PTPN4: variants seen among roughly 807,000 people sequenced by gnomAD.
PTPN4 encodes the protein protein tyrosine phosphatase non-receptor type 4, also known as tyrosine-protein phosphatase non-receptor type 4.
In PTPN4, 49 loss-of-function variants were observed where a neutral mutation model predicts 135.5. The ratio of observed to expected loss-of-function variants is 0.36; its 90% CI spans 0.29 to 0.46. The LOEUF (loss-of-function observed/expected upper bound fraction) is 0.46. Ranked by LOEUF, PTPN4 falls within the 20% of genes least tolerant of loss-of-function variation. The pLI is 1.00. For missense variants in PTPN4, 860 were observed against 1,101.0 expected, an observed-to-expected ratio of 0.78 and a Z score of 3.10; for synonymous variants, 333 against 369.9, an observed-to-expected ratio of 0.90 and a Z score of 1.14.
At chr2:119,827,406 C>T (rs769921292) in intron 2 of PTPN4, among the ~76,000 whole-genome samples, 4 of 152,196 alleles carry the variant, frequency 2.6e-5, no homozygotes, top group African/African-American at 4.8e-5. Flanking sequence ...ATCAGCATTA[C>T]ATGAGAGTCT....
chr2:119,933,499 T>C (rs954594627), intron 14 of PTPN4, among the ~76,000 whole-genome samples: 3 of 151,864 alleles, frequency 2.0e-5, no homozygotes, highest in Non-Finnish European at 4.4e-5. Context: ...GTGAACATAG[T>C]GAAACCCCAT....
At chr2:119,938,103 CT>C (rs1358576840) in intron 15 of PTPN4, among the ~76,000 whole-genome samples, 2 of 146,068 alleles carry the variant, frequency 1.4e-5, no homozygotes, top group Admixed American at 6.9e-5. Flanking sequence ...ACGAATAGTA[CT>C]TTTTTTTAAA....
intron 2 of PTPN4, among the ~76,000 whole-genome samples, chr2:119,862,328 C>T (rs1160208751): frequency 6.6e-6 from 1 of 152,148 alleles, no homozygotes; most frequent in Non-Finnish European, 1.5e-5. Flanking sequence ...ATGCCTAGTG[C>T]TCCATTATTG....
chr2:119,955,083 A>G, intron 19 of PTPN4, 74 bp from the exon 20 acceptor site: 1 of 1,292,556 alleles, frequency 7.7e-7, no homozygotes, highest in Non-Finnish European at 1.1e-6. Flanking sequence ...TATACAGTGT[A>G]TCTGGTAAAT....
rs1036971884 is a variant in PTPN4 at position 119,980,207 on chromosome 2, C to G, written c.*3137C>G. On this transcript the variant is annotated 3_prime_UTR_variant, in exon 27 of 27. Coordinates refer to ENST00000263708, the MANE Select transcript of PTPN4 (RefSeq NM_002830.4). ...GCAAAGGTATGTTAAGACATTAAGA[C>G]AATTGCTGGAAGGTTTCAAATATGT... 3.3e-5 allele frequency: 5 copies of G among 152,042 alleles called. No homozygotes were observed. Among genetic ancestry groups the G allele is most frequent in the African/African-American group, 4.8e-5 (2 of 41,428 alleles). The allele number at this position is 152,042 out of a possible 1,614,324, so 9.4% of individuals were successfully genotyped here. A position where few individuals can be genotyped will look rare whatever the true frequency, so the allele number is the denominator to read the frequency against.
chr2:119,939,887 G>A (rs915983031), intron 15 of PTPN4, among the ~76,000 whole-genome samples: 6 of 152,134 alleles, frequency 3.9e-5, no homozygotes, highest in South Asian at 2.1e-4. Flanking sequence ...TAAAAAAATC[G>A]AAGGTTTGAA....
chr2:119,918,777 A>T (rs545559454), intron 11 of PTPN4, among the ~76,000 whole-genome samples: 1 of 152,270 alleles, frequency 6.6e-6, no homozygotes, highest in Non-Finnish European at 1.5e-5. Context: ...ACCAGAGAAC[A>T]TACAGGAATA....
At chr2:119,882,289 C>A in intron 7 of PTPN4, 140 bp downstream of exon 7, 1 of 1,049,802 alleles carries the variant, frequency 9.5e-7, no homozygotes. Context: ...ATGAAATCTC[C>A]AGTTAGTTAG....
intron 13 of PTPN4, among the ~76,000 whole-genome samples, chr2:119,929,988 G>A (rs187732938): frequency 2.4e-4 from 36 of 152,158 alleles, no homozygotes; most frequent in African/African-American, 7.9e-4. Flanking sequence ...TTATGAATTA[G>A]CATTAATAGA....
intron 1 of PTPN4, among the ~76,000 whole-genome samples, chr2:119,782,984 G>A (rs896534358): frequency 7.0e-6 from 1 of 142,474 alleles, no homozygotes; most frequent in Non-Finnish European, 1.5e-5. Context: ...GAGCCACCAC[G>A]CCTGGCTGAA....
intron 2 of PTPN4, among the ~76,000 whole-genome samples, chr2:119,822,643 C>T (rs180964048): frequency 1.0e-3 from 154 of 152,312 alleles, no homozygotes; most frequent in African/African-American, 3.2e-3. Context: ...AGGCGTGAGC[C>T]ACCGCACCCG....
intron 11 of PTPN4, among the ~76,000 whole-genome samples, chr2:119,917,621 TTGGGAG>T (rs2105027013): frequency 6.6e-6 from 1 of 152,134 alleles, no homozygotes; most frequent in East Asian, 1.9e-4. Context: ...TTCCCGTTGC[TTGGGAG>T]GCTAAGGCAC....
At chr2:119,762,597 C>A (rs561964318) in intron 1 of PTPN4, among the ~76,000 whole-genome samples, 1 of 151,950 alleles carries the variant, frequency 6.6e-6, no homozygotes, top group Non-Finnish European at 1.5e-5. Flanking sequence ...TACTTCTGCC[C>A]CCCGCTTGAG....
intron 1 of PTPN4, among the ~76,000 whole-genome samples, chr2:119,789,087 T>C (rs1691094145): frequency 6.6e-6 from 1 of 151,872 alleles, no homozygotes; most frequent in East Asian, 1.9e-4. Context: ...TATTTTTCTT[T>C]TTTCTTTTTT....
chr2:119,793,846 G>GTTTTTTTTTTTTTTTTTTTTTTTTTTTT (rs55956611), intron 1 of PTPN4, among the ~76,000 whole-genome samples: 3 of 24,798 alleles, frequency 1.2e-4, no homozygotes, highest in Admixed American at 8.8e-4. Flanking sequence ...TTCATTTTTA[G>GTTTTTTTTTTTTTTTTTTTTTTTTTTTT]TTTTTTTTTT....
intron 18 of PTPN4, among the ~76,000 whole-genome samples, chr2:119,950,084 A>T (rs962231383): frequency 6.6e-6 from 1 of 152,190 alleles, no homozygotes; most frequent in African/African-American, 2.4e-5. Flanking sequence ...TAAGAGATTC[A>T]TAGCTATCCT....
intron 1 of PTPN4, among the ~76,000 whole-genome samples, chr2:119,798,316 G>A (rs916185907): frequency 1.3e-5 from 2 of 151,924 alleles, no homozygotes; most frequent in African/African-American, 4.8e-5. Context: ...ACAGGCACCC[G>A]CCACCATGCC....
chr2:119,865,400 A>C (rs1677817709), intron 3 of PTPN4, among the ~76,000 whole-genome samples: 3 of 152,154 alleles, frequency 2.0e-5, no homozygotes, highest in Admixed American at 2.0e-4. Flanking sequence ...TTATGATGAA[A>C]GTGTCATTAA....
intron 18 of PTPN4, among the ~76,000 whole-genome samples, chr2:119,949,974 A>G (rs1395239796): frequency 2.0e-5 from 3 of 152,122 alleles, no homozygotes; most frequent in Non-Finnish European, 2.9e-5. Flanking sequence ...GTTTATTTAG[A>G]CTTGTCAGAT....
Sources: gnomAD v4.1 joint callset for allele counts (sites outside exome capture counted in the v4.1 genomes callset) on GRCh38, gnomAD v4.1.1 for gene constraint, MANE v1.5 for transcripts, NCBI Gene and HGNC (gene_info 2026-07-23, HGNC 2026-07-21) for gene names.